PDE12: variants seen among roughly 807,000 people sequenced by gnomAD.
The protein encoded by PDE12 is phosphodiesterase 12, also known as 2',5'-phosphodiesterase 12.
In PDE12, 26 loss-of-function variants were observed where a neutral mutation model predicts 45.4. The observed-to-expected ratio is 0.57, with a 90% CI of 0.42 to 0.79. The LOEUF (loss-of-function observed/expected upper bound fraction) is 0.79, where lower values mean the gene tolerates loss of function less well. PDE12 is among the 30% of genes least tolerant of loss of function. The probability of loss-of-function intolerance (pLI) is 0.00; values close to 1 mark genes in which losing one functional copy is unlikely to be tolerated. For synonymous variants in PDE12, 283 were observed against 323.9 expected, an observed-to-expected ratio of 0.87 and a Z score of 1.36; for missense variants, 668 against 790.0, an observed-to-expected ratio of 0.85 and a Z score of 1.85.
At chr3:57,643,148 A>AT in the PDE12 span, among the ~76,000 whole-genome samples, 1 of 152,092 alleles carries the variant, frequency 6.6e-6, no homozygotes. Context: ...TAGAAAGAAG[A>AT]TAAGAAATGT....
the PDE12 span, chr3:57,619,463 GAGA>G: frequency 6.6e-6 from 1 of 152,292 alleles, no homozygotes; most frequent in Non-Finnish European, 1.5e-5. Flanking sequence ...TATGAAAGGA[GAGA>G]AGGTTAGCAC....
chr3:57,581,854 A>C, the PDE12 span, among the ~76,000 whole-genome samples: 1 of 152,216 alleles, frequency 6.6e-6, no homozygotes, highest in African/African-American at 2.4e-5. Flanking sequence ...GAAACAACAC[A>C]GCACTGCTTA....
the PDE12 span, chr3:57,584,340 T>A: frequency 6.9e-7 from 1 of 1,450,596 alleles, no homozygotes; most frequent in African/African-American, 1.4e-5. Context: ...TATATTTCAC[T>A]TTACAACATA....
the PDE12 span, chr3:57,641,737 T>C: frequency 4.3e-6 from 7 of 1,612,530 alleles, no homozygotes; most frequent in Non-Finnish European, 5.9e-6. Context: ...ACTCCTAATA[T>C]AACTGAGGGC....
At chr3:57,604,617 T>TG in the PDE12 span, among the ~76,000 whole-genome samples, 14 of 8,328 alleles carry the variant, frequency 1.7e-3, no homozygotes, top group African/African-American at 3.4e-3. Context: ...TTTTTTTTTT[T>TG]GGGGGGGGTG....
chr3:57,566,707 G>A lies in PDE12; in HGVS notation c.*6703G>A, dbSNP rs2069789114. 1.3e-5 allele frequency: 2 copies of A among 152,078 alleles called. No individual in the cohort carries two copies. The highest frequency in any genetic ancestry group is 4.8e-5 in the African/African-American group (2 of 41,404). The allele number at this position is 152,078 out of a possible 1,614,324, so 9.4% of individuals were successfully genotyped here. On this transcript the variant is annotated 3_prime_UTR_variant, in exon 3 of 3. Transcript: ENST00000311180. ...GATTTGCATTTCCATGATGGTTAAC[G>A]ATGTTAAGCATCTTTTCATGTGCTC...
chr3:57,630,377 T>A, the PDE12 span: 2 of 1,490,616 alleles, frequency 1.3e-6, no homozygotes, highest in Non-Finnish European at 1.8e-6. Flanking sequence ...TTATCTTTAT[T>A]TTCAACAGTT....
chr3:57,616,363 GAGGAGGAGGCAGGGGGGAGGAGGAGA>G, the PDE12 span, among the ~76,000 whole-genome samples: 1 of 149,840 alleles, frequency 6.7e-6, no homozygotes, highest in African/African-American at 2.5e-5. Context: ...GGAGGAGGAG[GAGGAGGAGGCAGGGGGGAGGAGGAGA>G]AGGAGAAGAA....
chr3:57,636,663 G>A, the PDE12 span, among the ~76,000 whole-genome samples: 2 of 152,092 alleles, frequency 1.3e-5, no homozygotes, highest in South Asian at 2.1e-4. Context: ...TTGGCCGGGC[G>A]TGGTGGCTCA....
At chr3:57,629,033 T>C in the PDE12 span, 49 of 552,730 alleles carry the variant, frequency 8.9e-5, no homozygotes, top group Non-Finnish European at 1.3e-4. Context: ...AGTGCAAGAA[T>C]AATTCTCATA....
chr3:57,655,739 T>C, the PDE12 span, among the ~76,000 whole-genome samples: 1 of 152,124 alleles, frequency 6.6e-6, no homozygotes, highest in Non-Finnish European at 1.5e-5. Flanking sequence ...TATGCAAAAA[T>C]CCCCAAATGC....
chr3:57,591,276 G>T, the PDE12 span, among the ~76,000 whole-genome samples: 1,991 of 152,040 alleles, frequency 0.013, 48 homozygotes, highest in African/African-American at 0.045. Context: ...TGAAGAGCTA[G>T]AAAGTGAAAA....
At chr3:57,600,199 A>T in the PDE12 span, 2 of 151,768 alleles carry the variant, frequency 1.3e-5, no homozygotes, top group Non-Finnish European at 2.9e-5. Context: ...AAGTAGTGTT[A>T]TTTTTTGTAG....
In PDE12 at chr3:57,559,872, C is replaced by A. The variant is rs554174099; in HGVS notation, c.1698C>A (p.Asp566Glu). Residue 566 changes from aspartate to glutamate, a missense_variant, in exon 3 of 3, where the codon GAC becomes GAA. Physicochemically the swap from Asp to Glu is conservative, Grantham distance 45. Transcript: ENST00000311180. ...FHGCLDYIFI[D>E]LNALEVEQVI... is the part of the protein sequence containing the mutation. ...GATGTCTAGATTACATTTTCATTGA[C>A]TTAAATGCTTTAGAGGTTGAACAGG... is the stretch of plus-strand genomic sequence containing the variant. 2.5e-6 allele frequency: 4 copies of A among 1,614,114 alleles called. No homozygotes were observed. The South Asian group carries it at 4.4e-5, about 18-fold the overall frequency.
chr3:57,634,768 A>G, the PDE12 span: 3 of 1,557,728 alleles, frequency 1.9e-6, no homozygotes, highest in Non-Finnish European at 2.6e-6. Context: ...TAGGAATTTC[A>G]CCTGAAGGAA....
chr3:57,645,277 A>G, the PDE12 span, among the ~76,000 whole-genome samples: 2 of 151,970 alleles, frequency 1.3e-5, no homozygotes, highest in Non-Finnish European at 2.9e-5. Context: ...CCTGATCAAC[A>G]TGGTGAAACC....
the PDE12 span, chr3:57,597,126 G>A: frequency 1.7e-5 from 28 of 1,614,008 alleles, no homozygotes; most frequent in African/African-American, 3.2e-4. Flanking sequence ...AGAGGGAGGA[G>A]ATAGTGAGGC....
chr3:57,596,084 T>A, the PDE12 span, among the ~76,000 whole-genome samples: 90 of 152,340 alleles, frequency 5.9e-4, 2 homozygotes, highest in South Asian at 0.018. Context: ...TCAGCTGTGA[T>A]GTAGACTGCT....
chr3:57,595,309 A>G, the PDE12 span, among the ~76,000 whole-genome samples: 4 of 152,236 alleles, frequency 2.6e-5, no homozygotes, highest in Admixed American at 2.6e-4. Flanking sequence ...CTGGAACATA[A>G]CCATATATTG....
Sources: gnomAD v4.1 joint callset for allele counts (sites outside exome capture counted in the v4.1 genomes callset) on GRCh38, gnomAD v4.1.1 for gene constraint, MANE v1.5 for transcripts, NCBI Gene and HGNC (gene_info 2026-07-23, HGNC 2026-07-21) for gene names.